CREB5: variants seen among roughly 807,000 people sequenced by gnomAD.
The protein encoded by CREB5 is cAMP responsive element binding protein 5.
Under a neutral mutation model 57.1 loss-of-function variants are expected in CREB5, and 19 were observed. That is an observed-to-expected ratio of 0.33 (90% confidence interval 0.23 to 0.49). The LOEUF (loss-of-function observed/expected upper bound fraction) is 0.49, where lower values mean the gene tolerates loss of function less well. CREB5 is among the 20% of genes least tolerant of loss of function. The probability of loss-of-function intolerance (pLI) is 0.99; values close to 1 mark genes in which losing one functional copy is unlikely to be tolerated. For missense variants in CREB5, 579 were observed against 671.6 expected (o/e 0.86, Z 1.52); for synonymous variants, 238 against 238.3 (o/e 1.00, Z 0.01).
intron 6 of CREB5, among the ~76,000 whole-genome samples, chr7:28,721,080 A>T (rs1049327055): frequency 6.6e-6 from 1 of 152,170 alleles, no homozygotes; most frequent in African/African-American, 2.4e-5. Context: ...ATTGATGTAC[A>T]CAGCTGCCAT....
At chr7:28,385,177 A>G (rs73295138) in intron 1 of CREB5, among the ~76,000 whole-genome samples, 2,326 of 152,356 alleles carry the variant, frequency 0.015, 63 homozygotes, top group African/African-American at 0.053. Flanking sequence ...GTAAGTATGT[A>G]TTAACCAGTT....
intron 5 of CREB5, among the ~76,000 whole-genome samples, chr7:28,638,264 G>GACAC (rs56956362): frequency 0.074 from 10,729 of 145,718 alleles, 454 homozygotes; most frequent in East Asian, 0.13. Flanking sequence ...AAAGAAACTA[G>GACAC]ACACACACAC....
intron 1 of CREB5, among the ~76,000 whole-genome samples, chr7:28,361,621 G>A (rs1786485366): frequency 6.6e-6 from 1 of 152,078 alleles, no homozygotes; most frequent in Non-Finnish European, 1.5e-5. Flanking sequence ...ATTCCTCTGG[G>A]GCCTGCTTTC....
intron 1 of CREB5, among the ~76,000 whole-genome samples, chr7:28,434,616 T>G (rs1426721649): frequency 6.6e-6 from 1 of 152,226 alleles, no homozygotes; most frequent in Non-Finnish European, 1.5e-5. Flanking sequence ...TATTTGAGGC[T>G]GTTGATTTTT....
intron 7 of CREB5, among the ~76,000 whole-genome samples, chr7:28,738,490 C>A (rs927861722): frequency 6.6e-6 from 1 of 152,186 alleles, no homozygotes; most frequent in African/African-American, 2.4e-5. Context: ...ATTTTCAAAT[C>A]TGATGAATGA....
chr7:28,418,144 GC>G (rs1239111128), intron 1 of CREB5, among the ~76,000 whole-genome samples: 2 of 152,136 alleles, frequency 1.3e-5, no homozygotes, highest in Admixed American at 6.5e-5. Flanking sequence ...TTCCTTCCAA[GC>G]TTTTAACAAA....
intron 3 of CREB5, among the ~76,000 whole-genome samples, chr7:28,501,096 A>G (rs974884667): frequency 2.0e-5 from 3 of 152,140 alleles, no homozygotes; most frequent in Admixed American, 2.0e-4. Flanking sequence ...AAATAAGATC[A>G]AAGGAATAAG....
At chr7:28,788,400 T>G (rs1339488940) in intron 7 of CREB5, among the ~76,000 whole-genome samples, 1 of 152,184 alleles carries the variant, frequency 6.6e-6, no homozygotes, top group Non-Finnish European at 1.5e-5. Flanking sequence ...TGTTACCAAC[T>G]GAAAACACTA....
chr7:28,823,804 C>G lies in CREB5; in HGVS notation c.*4525C>G, dbSNP rs933599321. On this transcript the variant is annotated 3_prime_UTR_variant, in exon 11 of 11. Coordinates refer to ENST00000357727, the MANE Select transcript of CREB5 (RefSeq NM_182898.4). Reference sequence around the variant, plus strand: ...TTTTTGTCCCTTCCCGAACAATATGCAGTAGCTTTAAGCCATTCAAGCTCC... The same window carrying G: ...TTTTTGTCCCTTCCCGAACAATATGGAGTAGCTTTAAGCCATTCAAGCTCC... The G allele has an allele frequency of 6.6e-6, 1 of 152,506 alleles. No individual in the cohort carries two copies. The highest frequency in any genetic ancestry group is 6.6e-5 in the Admixed American group (1 of 15,260). 9.4% of individuals were successfully genotyped at this position (152,506 alleles called of 1,614,324 possible).
intron 4 of CREB5, among the ~76,000 whole-genome samples, chr7:28,528,862 T>C (rs1004322607): frequency 2.6e-5 from 4 of 152,094 alleles, no homozygotes; most frequent in African/African-American, 9.7e-5. Flanking sequence ...TTGGCCATAC[T>C]CTGAACATTA....
At chr7:28,341,493 T>A (rs181852914) in intron 1 of CREB5, among the ~76,000 whole-genome samples, 12 of 152,328 alleles carry the variant, frequency 7.9e-5, no homozygotes, top group Middle Eastern at 3.4e-3. Context: ...TACCTCAAGA[T>A]GTCTACTTCC....
At chr7:28,698,075 A>T (rs1359509667) in intron 5 of CREB5, among the ~76,000 whole-genome samples, 2 of 152,214 alleles carry the variant, frequency 1.3e-5, no homozygotes, top group Non-Finnish European at 2.9e-5. Context: ...AAACATACGG[A>T]TTAAATTTCC....
intron 1 of CREB5, among the ~76,000 whole-genome samples, chr7:28,349,526 G>T (rs535607338): frequency 6.6e-6 from 1 of 152,022 alleles, no homozygotes; most frequent in Non-Finnish European, 1.5e-5. Context: ...CCAATAGGGA[G>T]GTGTGAAATT....
intron 1 of CREB5, among the ~76,000 whole-genome samples, chr7:28,456,369 G>GAA (rs1790094154): frequency 6.6e-6 from 1 of 152,190 alleles, no homozygotes; most frequent in African/African-American, 2.4e-5. Flanking sequence ...TGCTGGTCAT[G>GAA]AAGGTTCAGT....
intron 7 of CREB5, among the ~76,000 whole-genome samples, chr7:28,745,404 C>A (rs1583658545): frequency 6.6e-6 from 1 of 152,166 alleles, no homozygotes; most frequent in Admixed American, 6.5e-5. Context: ...TATTTGGCTG[C>A]ATTCTTAGCC....
At chr7:28,616,716 T>TA (rs1325505224) in intron 5 of CREB5, among the ~76,000 whole-genome samples, 2 of 152,182 alleles carry the variant, frequency 1.3e-5, no homozygotes, top group African/African-American at 4.8e-5. Flanking sequence ...GCTACAGCCT[T>TA]AAAAAATTGT....
chr7:28,467,052 G>C (rs539142194), intron 1 of CREB5, among the ~76,000 whole-genome samples: 1 of 152,242 alleles, frequency 6.6e-6, no homozygotes, highest in South Asian at 2.1e-4. Context: ...GAGGGCCGTA[G>C]CTGTGGGAGA....
intron 1 of CREB5, among the ~76,000 whole-genome samples, chr7:28,350,383 C>T (rs1786163219): frequency 6.6e-6 from 1 of 152,142 alleles, no homozygotes; most frequent in Admixed American, 6.5e-5. Flanking sequence ...TCATCCTTCA[C>T]TTTCCTTGTG....
chr7:28,629,035 G>C (rs1037155535), intron 5 of CREB5, among the ~76,000 whole-genome samples: 4 of 152,218 alleles, frequency 2.6e-5, no homozygotes, highest in Non-Finnish European at 5.9e-5. Context: ...CAAGTTGTCT[G>C]TTTAAACGGT....
Sources: allele counts gnomAD v4.1 joint callset (sites outside exome capture counted in the v4.1 genomes callset), GRCh38; gene constraint gnomAD v4.1.1; transcripts MANE v1.5; gene names NCBI Gene and HGNC (gene_info 2026-07-23, HGNC 2026-07-21).